Variants in ALK observed in about 807,000 individuals in gnomAD.
The protein encoded by ALK is ALK tyrosine kinase receptor.
In ALK, 74 loss-of-function variants were observed where a neutral mutation model predicts 163.1. The observed-to-expected ratio is 0.45, with a 90% CI of 0.38 to 0.55. The LOEUF (loss-of-function observed/expected upper bound fraction) is 0.55. Among genes scored for constraint, ALK ranks in the 20% least tolerant of loss-of-function variants. The probability of loss-of-function intolerance (pLI) is 0.00; values close to 1 mark genes in which losing one functional copy is unlikely to be tolerated. For missense variants in ALK, 2,063 were observed against 2,105.3 expected, an observed-to-expected ratio of 0.98 and a Z score of 0.39; for synonymous variants, 960 against 843.2, an observed-to-expected ratio of 1.14 and a Z score of -2.40.
intron 4 of ALK, among the ~76,000 whole-genome samples, chr2:29,510,809 G>C (rs939845385): frequency 1.7e-4 from 26 of 152,166 alleles, no homozygotes; most frequent in Non-Finnish European, 2.9e-5. Flanking sequence ...GAGAGGAAGA[G>C]AACAGAGTGG....
At chr2:29,675,293 C>T (rs1245983531) in intron 3 of ALK, among the ~76,000 whole-genome samples, 1 of 151,954 alleles carries the variant, frequency 6.6e-6, no homozygotes, top group Non-Finnish European at 1.5e-5. Flanking sequence ...ATTAATTTGG[C>T]CAGTTCACTG....
intron 4 of ALK, among the ~76,000 whole-genome samples, chr2:29,502,624 C>G (rs1041203299): frequency 6.6e-6 from 1 of 152,092 alleles, no homozygotes; most frequent in African/African-American, 2.4e-5. Flanking sequence ...CTTGGAGGAA[C>G]AGCACCGGCC....
At chr2:29,352,612 T>C (rs1381426317) in intron 5 of ALK, among the ~76,000 whole-genome samples, 1 of 152,212 alleles carries the variant, frequency 6.6e-6, no homozygotes, top group Non-Finnish European at 1.5e-5. Context: ...TTATGTGATA[T>C]TGTGACGTTG....
At chr2:29,806,808 G>T (rs1367460285) in intron 1 of ALK, among the ~76,000 whole-genome samples, 1 of 152,180 alleles carries the variant, frequency 6.6e-6, no homozygotes, top group Non-Finnish European at 1.5e-5. Context: ...TTTCTGGGTG[G>T]CAAAGACACA....
At chr2:29,566,106 A>G (rs932526035) in intron 3 of ALK, among the ~76,000 whole-genome samples, 13 of 152,162 alleles carry the variant, frequency 8.5e-5, no homozygotes, top group Non-Finnish European at 1.8e-4. Context: ...TGCCATGTGA[A>G]GTTTGGAGCC....
At chr2:29,803,466 G>T (rs1454455137) in intron 1 of ALK, among the ~76,000 whole-genome samples, 1 of 152,140 alleles carries the variant, frequency 6.6e-6, no homozygotes, top group East Asian at 1.9e-4. Context: ...CTCACGCTTG[G>T]GGTATTCTTC....
intron 3 of ALK, among the ~76,000 whole-genome samples, chr2:29,649,133 T>C (rs573703236): frequency 2.0e-5 from 3 of 152,180 alleles, no homozygotes; most frequent in African/African-American, 7.2e-5. Flanking sequence ...TGATATTGTG[T>C]ATGCCTTTTA....
intron 3 of ALK, among the ~76,000 whole-genome samples, chr2:29,625,995 A>C (rs1676183483): frequency 1.3e-5 from 2 of 152,230 alleles, no homozygotes; most frequent in Non-Finnish European, 2.9e-5. Context: ...CAAGAGAGCA[A>C]GATAGATGAT....
Position 29,383,791 on chromosome 2 carries a change from G to C in ALK, c.1223C>G (p.Ser408Cys), listed in dbSNP as rs1348960950. Residue 408 changes from serine to cysteine, a missense_variant, in exon 5 of 29, where the codon TCC becomes TGC. Physicochemically the swap from Ser to Cys is moderately radical, Grantham distance 112 (BLOSUM62 -1). This residue lies in a region of ALK where 987 missense variants were observed against 939.5 expected (regional missense o/e 1.05). Coordinates refer to ENST00000389048, the MANE Select transcript of ALK (RefSeq NM_004304.5). ...TGCAGACAAGCTGCGGTTTCCACTG[G>C]AGATGTATTCCAGGGCCACTCGAAA... ...NPFRVALEYISSGNRSLSAVD... is the reference protein window; with the variant it reads ...NPFRVALEYICSGNRSLSAVD... 2.5e-6 allele frequency: 4 copies of C among 1,614,148 alleles called. No homozygotes were observed. In the African/African-American group the frequency reaches 5.3e-5, roughly 22 times the overall value.
At chr2:29,740,270 A>G (rs1192696861) in intron 1 of ALK, among the ~76,000 whole-genome samples, 1 of 152,130 alleles carries the variant, frequency 6.6e-6, no homozygotes, top group Admixed American at 6.5e-5. Flanking sequence ...AACGCTTTCC[A>G]TATAGTAGGA....
chr2:29,346,774 T>C (rs1302757301), intron 5 of ALK, among the ~76,000 whole-genome samples: 1 of 152,232 alleles, frequency 6.6e-6, no homozygotes, highest in Non-Finnish European at 1.5e-5. Context: ...TCCATTTCAC[T>C]GGCTGAACCA....
chr2:29,499,883 C>CTCTCCT (rs1018694552), intron 4 of ALK, among the ~76,000 whole-genome samples: 14 of 152,240 alleles, frequency 9.2e-5, no homozygotes, highest in Non-Finnish European at 8.8e-5. Flanking sequence ...ATACCTTCCC[C>CTCTCCT]TCTCCTTCCC....
At chr2:29,302,248 T>C (rs1217254326) in intron 8 of ALK, among the ~76,000 whole-genome samples, 1 of 152,188 alleles carries the variant, frequency 6.6e-6, no homozygotes, top group Non-Finnish European at 1.5e-5. Flanking sequence ...CCGGGTGCGG[T>C]GGCTCACGCC....
chr2:29,420,072 G>A (rs988842388), intron 4 of ALK, among the ~76,000 whole-genome samples: 28 of 148,212 alleles, frequency 1.9e-4, no homozygotes, highest in Admixed American at 8.1e-4. Flanking sequence ...CAGGAGGATC[G>A]CTTGAATTTG....
chr2:29,863,714 T>A (rs920256354), intron 1 of ALK, among the ~76,000 whole-genome samples: 3 of 152,152 alleles, frequency 2.0e-5, no homozygotes, highest in African/African-American at 4.8e-5. Context: ...GAAATTAGTA[T>A]GGGGGTTCCT....
chr2:29,856,109 G>C (rs1396449171), intron 1 of ALK, among the ~76,000 whole-genome samples: 3 of 152,096 alleles, frequency 2.0e-5, no homozygotes, highest in African/African-American at 7.2e-5. Context: ...GGTTCTCTGA[G>C]GGAGGAAGTA....
intron 1 of ALK, among the ~76,000 whole-genome samples, chr2:29,909,990 A>C (rs962133858): frequency 1.3e-4 from 19 of 151,968 alleles, no homozygotes; most frequent in African/African-American, 3.4e-4. Flanking sequence ...AAAAAAAAAA[A>C]AAAAAACAAC....
At chr2:29,572,952 C>T (rs929866834) in intron 3 of ALK, among the ~76,000 whole-genome samples, 6 of 152,204 alleles carry the variant, frequency 3.9e-5, no homozygotes, top group Non-Finnish European at 8.8e-5. Flanking sequence ...GAGCACCAGG[C>T]CCCCAAGACA....
In ALK at chr2:29,639,801, G is replaced by T. The variant is rs571592783; in HGVS notation, c.952+55049C>A. On this transcript the variant is annotated intron_variant, in intron 3 of 28. Transcript: ENST00000389048. ...TAAATCTACAAGAGACATTTCTTAG[G>T]TGTGTCTTTACATAGGGAACAGGGA... Among the ~76,000 whole-genome samples the T allele has an allele frequency of 2.0e-5, 3 of 152,258 alleles. No homozygotes were observed. In the South Asian group the frequency reaches 6.2e-4, roughly 32 times the overall value.
Sources: gnomAD v4.1 joint callset for allele counts (sites outside exome capture counted in the v4.1 genomes callset) on GRCh38, gnomAD v4.1.1 for gene constraint, gnomAD v4.1.1 regional missense constraint, MANE v1.5 for transcripts, NCBI Gene and HGNC (gene_info 2026-07-23, HGNC 2026-07-21) for gene names.